Variants in PUDP observed in about 807,000 individuals in gnomAD.
PUDP encodes pseudouridine 5'-phosphatase.
PUDP carries 8 observed loss-of-function variants against 9.4 expected under a neutral mutation model. The ratio of observed to expected loss-of-function variants is 0.85; its 90% CI spans 0.50 to 1.53. PUDP has a LOEUF of 1.53. PUDP is among the 40% of genes most tolerant of loss of function. The probability of loss-of-function intolerance (pLI) is 0.00; values close to 1 mark genes in which losing one functional copy is unlikely to be tolerated. For missense variants in PUDP, 188 were observed against 189.7 expected, an observed-to-expected ratio of 0.99 and a Z score of 0.05; for synonymous variants, 99 against 80.7, an observed-to-expected ratio of 1.23 and a Z score of -1.22.
intron 3 of PUDP, among the ~76,000 whole-genome samples, chrX:6,929,866 T>C (rs1452952632): frequency 1.8e-5 from 2 of 111,852 alleles, no homozygotes; most frequent in African/African-American, 6.5e-5. Context: ...TTAGGGCTTT[T>C]CCTGCCCCCA....
upstream of PUDP, among the ~76,000 whole-genome samples, chrX:6,724,863 T>G (rs188439168): frequency 3.4e-3 from 376 of 111,520 alleles, 2 homozygotes; most frequent in African/African-American, 0.012. Flanking sequence ...TTAGAAGACC[T>G]TTTCACAAGT....
chrX:6,932,508 G>A (rs1928207571), intron 3 of PUDP, among the ~76,000 whole-genome samples: 1 of 111,877 alleles, frequency 8.9e-6, no homozygotes, highest in Non-Finnish European at 1.9e-5. Flanking sequence ...TGGCCGAACA[G>A]GAACAGCTCC....
chrX:6,776,536 A>G lies in PUDP; in HGVS notation c.*248-70070T>C, dbSNP rs1294965419. Among the ~76,000 whole-genome samples the G allele has an allele frequency of 7.2e-5, 8 of 110,896 alleles. No individual in the cohort carries two copies. The Admixed American group carries it at 7.7e-4, about 11-fold the overall frequency. On this transcript the variant is annotated intron_variant and NMD_transcript_variant, in intron 3 of 3. Transcript: ENST00000655425. ...ACAGAGCAAGAGTCCATCACAAAAA[A>G]CAAACAAACAAACAAAGCCACAGTT...
At chrX:6,946,399 T>G (rs1317440080) in intron 3 of PUDP, among the ~76,000 whole-genome samples, 2 of 112,191 alleles carry the variant, frequency 1.8e-5, no homozygotes, top group South Asian at 3.7e-4. Context: ...TCCCTCGAAG[T>G]GTCTGTTTCT....
chrX:6,995,421 G>C (rs1203223179), intron 1 of PUDP, among the ~76,000 whole-genome samples: 1 of 111,657 alleles, frequency 9.0e-6, no homozygotes, highest in East Asian at 2.8e-4. Context: ...ATGAGGTAAG[G>C]GATCTAAAAA....
intron 3 of PUDP, among the ~76,000 whole-genome samples, chrX:7,072,520 A>G (rs1277225349): frequency 1.8e-5 from 2 of 112,060 alleles, no homozygotes; most frequent in Non-Finnish European, 3.8e-5. Flanking sequence ...TAGGCTGTAA[A>G]AAATTGATTT....
chrX:6,857,298 C>A (rs1926921694), intron 3 of PUDP, among the ~76,000 whole-genome samples: 1 of 112,861 alleles, frequency 8.9e-6, no homozygotes, highest in South Asian at 3.6e-4. Context: ...CCCACGGAAG[C>A]CAATATTTGG....
At chrX:6,759,072 C>T (rs1011950562) in intron 3 of PUDP, among the ~76,000 whole-genome samples, 6 of 111,837 alleles carry the variant, frequency 5.4e-5, no homozygotes, top group African/African-American at 1.9e-4. Flanking sequence ...TGGCTGTGAG[C>T]TTCCCTACTT....
intron 3 of PUDP, among the ~76,000 whole-genome samples, chrX:6,812,281 A>C (rs1926156541): frequency 8.9e-6 from 1 of 112,069 alleles, no homozygotes; most frequent in South Asian, 3.8e-4. Context: ...CAGACAGGTA[A>C]CTCTGCAAAA....
exon 2 of PUDP, chrX:6,706,396 A>C (rs1356346999): frequency 1.8e-5 from 2 of 112,109 alleles, no homozygotes; most frequent in African/African-American, 6.5e-5. Flanking sequence ...TGAGGCCAGG[A>C]GTTCAAGACT....
At chrX:7,114,203 T>C (rs781742996) in intron 1 of PUDP, among the ~76,000 whole-genome samples, 1 of 111,464 alleles carries the variant, frequency 9.0e-6, no homozygotes, top group South Asian at 3.8e-4. Flanking sequence ...GCCTCCCGAG[T>C]AGCTGGGATT....
At chrX:7,111,509 C>CG (rs1333946734) in intron 1 of PUDP, among the ~76,000 whole-genome samples, 2 of 5,121 alleles carry the variant, frequency 3.9e-4, no homozygotes, top group Non-Finnish European at 7.7e-4. Flanking sequence ...TGGGGTGGGG[C>CG]GGGGGGAGAT....
chrX:6,941,771 G>A (rs1382172420), intron 3 of PUDP, among the ~76,000 whole-genome samples: 1 of 111,853 alleles, frequency 8.9e-6, no homozygotes, highest in Non-Finnish European at 1.9e-5. Flanking sequence ...TTTGATATAT[G>A]TATACATTGT....
intron 3 of PUDP, among the ~76,000 whole-genome samples, chrX:6,976,752 C>A (rs2146797203): frequency 8.9e-6 from 1 of 111,931 alleles, no homozygotes. Flanking sequence ...ACTTAAAGAA[C>A]AACACAGCAT....
At chrX:7,050,858 T>C (rs1402664862) in intron 3 of PUDP, among the ~76,000 whole-genome samples, 1 of 112,491 alleles carries the variant, frequency 8.9e-6, no homozygotes, top group Non-Finnish European at 1.9e-5. Context: ...GCTCTTAAAA[T>C]ATAAAACCAC....
At chrX:6,991,037 C>A (rs1929169485) in intron 1 of PUDP, among the ~76,000 whole-genome samples, 1 of 111,794 alleles carries the variant, frequency 8.9e-6, no homozygotes, top group Non-Finnish European at 1.9e-5. Context: ...CTTGCACTTC[C>A]CAGGTTAGGC....
chrX:6,858,920 G>T (rs1019795374), intron 3 of PUDP, among the ~76,000 whole-genome samples: 1 of 111,659 alleles, frequency 9.0e-6, no homozygotes, highest in Non-Finnish European at 1.9e-5. Flanking sequence ...GATATGACTT[G>T]GCTGTGTTCC....
At chrX:6,812,430 T>C (rs2146701558) in intron 3 of PUDP, among the ~76,000 whole-genome samples, 1 of 112,279 alleles carries the variant, frequency 8.9e-6, no homozygotes, top group African/African-American at 3.2e-5. Context: ...CAAATTACCT[T>C]CCCCAAGACA....
At chrX:6,726,366 G>C (rs1322761148), upstream of PUDP, among the ~76,000 whole-genome samples, 1 of 111,434 alleles carries the variant, frequency 9.0e-6, no homozygotes, top group Admixed American at 9.5e-5. Flanking sequence ...CTGTAGCATT[G>C]TAGGGTGAAC....
Sources: gnomAD v4.1 joint callset for allele counts (sites outside exome capture counted in the v4.1 genomes callset) on GRCh38, gnomAD v4.1.1 for gene constraint, MANE v1.5 for transcripts, NCBI Gene and HGNC (gene_info 2026-07-23, HGNC 2026-07-21) for gene names.